The following ANGPT1 variants were observed in gnomAD, a reference collection of about 807,000 sequenced individuals.
ANGPT1 encodes angiopoietin 1.
In ANGPT1, 17 loss-of-function variants were observed where a neutral mutation model predicts 62.2. The ratio of observed to expected loss-of-function variants is 0.27; its 90% CI spans 0.19 to 0.41. The LOEUF is 0.41. Among genes scored for constraint, ANGPT1 ranks in the 10% least tolerant of loss-of-function variants. The pLI is 1.00. For missense variants in ANGPT1, 478 were observed against 594.9 expected (o/e 0.80, Z 2.04); for synonymous variants, 199 against 198.9 (o/e 1.00, Z 0.00).
chr8:107,377,989 T>C (rs144204338), intron 1 of ANGPT1, among the ~76,000 whole-genome samples: 3 of 152,254 alleles, frequency 2.0e-5, no homozygotes, highest in African/African-American at 7.2e-5. Context: ...GCTTAAGATA[T>C]CCAAATGACT....
At chr8:107,457,784 TG>T in intron 1 of ANGPT1, among the ~76,000 whole-genome samples, 1 of 151,530 alleles carries the variant, frequency 6.6e-6, no homozygotes, top group South Asian at 2.1e-4. Flanking sequence ...AAGAAGTTTC[TG>T]ATTTGGGAAA....
intron 1 of ANGPT1, among the ~76,000 whole-genome samples, chr8:107,476,832 C>G (rs1812544694): frequency 6.6e-6 from 1 of 152,142 alleles, no homozygotes; most frequent in Admixed American, 6.5e-5. Context: ...CTAGTATTAT[C>G]TTTGATGAAG....
At chr8:107,347,129 T>A (rs958706887) in intron 1 of ANGPT1, 32 bp from the exon 2 acceptor site, 2 of 1,588,476 alleles carry the variant, frequency 1.3e-6, no homozygotes, top group African/African-American at 2.7e-5. Flanking sequence ...ACATATTACA[T>A]TATAAGCAAG....
intron 4 of ANGPT1, 52 bp downstream of exon 4, chr8:107,321,844 G>A (rs1286060687): frequency 2.7e-6 from 4 of 1,507,710 alleles, no homozygotes; most frequent in Non-Finnish European, 3.7e-6. Flanking sequence ...GTATTTACTT[G>A]ATCAAAGGAA....
At position 107,360,462 on chromosome 8, in the gene ANGPT1, C is replaced by T. The variant is rs1267932494; in HGVS notation, c.298-13365G>A. On this transcript the variant is annotated intron_variant, in intron 1 of 8. Transcript: ENST00000517746. ...TTTGATGCCCGGGTCACTCTCTTTC[C>T]GCTTTATTCAGCCCCATGTTCTTGG... Among the ~76,000 whole-genome samples, 5 of 152,270 alleles carry T rather than the reference C, an allele frequency of 3.3e-5. No individual in the cohort carries two copies. The East Asian group carries it at 5.8e-4, about 18-fold the overall frequency.
At chr8:107,408,632 G>A (rs184203132) in intron 1 of ANGPT1, among the ~76,000 whole-genome samples, 159 of 152,228 alleles carry the variant, frequency 1.0e-3, no homozygotes, top group African/African-American at 3.2e-3. Flanking sequence ...AGTGATAATG[G>A]ATGGCAAATA....
intron 1 of ANGPT1, among the ~76,000 whole-genome samples, chr8:107,457,648 G>A (rs1811953206): frequency 6.6e-6 from 1 of 151,876 alleles, no homozygotes; most frequent in Admixed American, 6.6e-5. Context: ...CTGAAACCAG[G>A]CAGCTGAATT....
intron 1 of ANGPT1, among the ~76,000 whole-genome samples, chr8:107,364,376 G>T (rs1816229893): frequency 1.3e-5 from 2 of 152,090 alleles, no homozygotes; most frequent in Admixed American, 6.6e-5. Context: ...CATCTCCCAG[G>T]TTCAAGCAAG....
intron 1 of ANGPT1, among the ~76,000 whole-genome samples, chr8:107,471,068 T>A (rs1812344231): frequency 6.6e-6 from 1 of 152,112 alleles, no homozygotes; most frequent in African/African-American, 2.4e-5. Flanking sequence ...AGATTATAAA[T>A]CATTCTACTA....
chr8:107,278,801 G>A (rs1401596180), intron 7 of ANGPT1, among the ~76,000 whole-genome samples: 1 of 152,212 alleles, frequency 6.6e-6, no homozygotes, highest in Non-Finnish European at 1.5e-5. Context: ...TGGAACTACA[G>A]CAAGGCAACA....
At chr8:107,399,812 A>C (rs1041793904) in intron 1 of ANGPT1, among the ~76,000 whole-genome samples, 1 of 152,180 alleles carries the variant, frequency 6.6e-6, no homozygotes, top group Non-Finnish European at 1.5e-5. Flanking sequence ...AATTGCCTTG[A>C]GATGCCAATC....
At chr8:107,427,779 A>C (rs1811077144) in intron 1 of ANGPT1, among the ~76,000 whole-genome samples, 1 of 151,834 alleles carries the variant, frequency 6.6e-6, no homozygotes, top group Non-Finnish European at 1.5e-5. Flanking sequence ...GTTCCTGTGC[A>C]TATTGATCTT....
chr8:107,496,200 G>C (rs1198660513), intron 1 of ANGPT1, among the ~76,000 whole-genome samples: 1 of 152,312 alleles, frequency 6.6e-6, no homozygotes, highest in Middle Eastern at 3.4e-3. Flanking sequence ...ATTAACAAGG[G>C]AGAGAAGCTT....
At chr8:107,455,278 T>G (rs1811890372) in intron 1 of ANGPT1, among the ~76,000 whole-genome samples, 1 of 152,086 alleles carries the variant, frequency 6.6e-6, no homozygotes, top group Non-Finnish European at 1.5e-5. Flanking sequence ...TGTTTGAAAA[T>G]TTTAGCAACT....
intron 8 of ANGPT1, among the ~76,000 whole-genome samples, chr8:107,259,004 G>A (rs1173739375): frequency 6.6e-6 from 1 of 152,084 alleles, no homozygotes; most frequent in African/African-American, 2.4e-5. Context: ...CAGCCACTGG[G>A]GATACAGTAG....
At chr8:107,433,166 T>C in intron 1 of ANGPT1, among the ~76,000 whole-genome samples, 1 of 152,208 alleles carries the variant, frequency 6.6e-6, no homozygotes. Context: ...GAAATTGGGC[T>C]GGTTGTTTTT....
chr8:107,361,224 AC>A (rs1816154915), intron 1 of ANGPT1, among the ~76,000 whole-genome samples: 1 of 152,012 alleles, frequency 6.6e-6, no homozygotes, highest in Non-Finnish European at 1.5e-5. Context: ...AAGTTTACTA[AC>A]AAAATCCAAT....
intron 1 of ANGPT1, among the ~76,000 whole-genome samples, chr8:107,453,024 A>G (rs1811818944): frequency 6.6e-6 from 1 of 152,088 alleles, no homozygotes; most frequent in Non-Finnish European, 1.5e-5. Flanking sequence ...TTTACATCCA[A>G]AAAGGTTAAA....
chr8:107,349,155 T>TAGAC, intron 1 of ANGPT1, among the ~76,000 whole-genome samples: 1 of 151,928 alleles, frequency 6.6e-6, no homozygotes, highest in East Asian at 1.9e-4. Context: ...GATAGATAGA[T>TAGAC]AGATAGATAG....
Sources: allele counts gnomAD v4.1 joint callset (sites outside exome capture counted in the v4.1 genomes callset), GRCh38; gene constraint gnomAD v4.1.1; transcripts MANE v1.5; gene names NCBI Gene and HGNC (gene_info 2026-07-23, HGNC 2026-07-21).